Variants in TNKS observed in about 807,000 individuals in gnomAD.
TNKS encodes poly [ADP-ribose] polymerase tankyrase-1.
TNKS carries 72 observed loss-of-function variants against 135.8 expected under a neutral mutation model. That is an observed-to-expected ratio of 0.53 (90% CI 0.44 to 0.64). The LOEUF (loss-of-function observed/expected upper bound fraction) is 0.64. Ranked by LOEUF, TNKS falls within the 30% of genes least tolerant of loss-of-function variation. The pLI, the probability that TNKS is intolerant of heterozygous loss-of-function variation, is 0.00. For synonymous variants in TNKS, 849 were observed against 649.3 expected, an observed-to-expected ratio of 1.31 and a Z score of -4.68; for missense variants, 1,769 against 1,674.0, an observed-to-expected ratio of 1.06 and a Z score of -0.99.
Position 9,580,383 on chromosome 8 carries a change from G to A in TNKS, c.898G>A (p.Val300Met), listed in dbSNP as rs146167904. The change falls in exon 2 of 27, where the codon GTG becomes ATG. Residue 300 changes from valine to methionine, a missense_variant and splice_region_variant. Transcript: ENST00000310430. ...TAAAGGGAAGATCGATGTGTGCATT[G>A]GTAAGTATCATTTGATGATATCTAA... The part of the protein sequence containing the change: ...AIKGKIDVCI[V>M]LLQHGADPNI... The A allele has an allele frequency of 6.2e-7, 1 of 1,612,410 alleles. No individual in the cohort carries two copies.
At chr8:9,576,413 C>T (rs1488730763) in intron 1 of TNKS, among the ~76,000 whole-genome samples, 1 of 151,310 alleles carries the variant, frequency 6.6e-6, no homozygotes. Context: ...GGGAAGCAAT[C>T]ATGGTGGGGC....
At chr8:9,646,734 A>G (rs543188524) in intron 3 of TNKS, among the ~76,000 whole-genome samples, 3 of 152,262 alleles carry the variant, frequency 2.0e-5, no homozygotes, top group Admixed American at 6.5e-5. Context: ...TCATGCTTAC[A>G]TAGGTTTTTT....
intron 2 of TNKS, among the ~76,000 whole-genome samples, chr8:9,601,447 GCC>G: frequency 6.6e-6 from 1 of 152,102 alleles, no homozygotes; most frequent in East Asian, 1.9e-4. Context: ...TAGTTCCTTG[GCC>G]AAACTTTTTA....
rs568481266 is a variant in TNKS, at chr8:9,563,876, G to A, written c.673+7264G>A. On this transcript the variant is annotated intron_variant, in intron 1 of 26. Transcript: ENST00000310430. ...TATGTATTTGACCTCAGTTACTTTC[G>A]TTGCTCATTTTTACAGAAATTAATT... 1.1e-3 allele frequency among the ~76,000 whole-genome samples: 174 copies of A among 151,972 alleles called. 1 individual carries two copies. The highest frequency in any genetic ancestry group is 3.4e-3 in the Middle Eastern group (1 of 292).
At chr8:9,596,595 T>C (rs771211167) in intron 2 of TNKS, among the ~76,000 whole-genome samples, 2 of 152,196 alleles carry the variant, frequency 1.3e-5, no homozygotes, top group African/African-American at 2.4e-5. Context: ...CATATTCTAC[T>C]CCCTGATATG....
intron 5 of TNKS, 111 bp downstream of exon 5, chr8:9,680,911 T>C: frequency 1.4e-6 from 1 of 705,020 alleles, no homozygotes; most frequent in Non-Finnish European, 2.5e-6. Flanking sequence ...TTAACTGGCA[T>C]CTTTTCACTG....
intron 18 of TNKS, among the ~76,000 whole-genome samples, chr8:9,748,955 G>C (rs6995495): frequency 0.69 from 104,749 of 152,040 alleles, 36,671 homozygotes; most frequent in Admixed American, 0.79. Context: ...CTAGAAGGCA[G>C]GGGCCTCTCT....
At chr8:9,704,949 C>T (rs879712106) in intron 6 of TNKS, among the ~76,000 whole-genome samples, 192 bp downstream of exon 6, 3 of 152,052 alleles carry the variant, frequency 2.0e-5, no homozygotes, top group African/African-American at 7.2e-5. Context: ...TAATAATTTC[C>T]CAAATCAATT....
chr8:9,741,450 C>A (rs1805955893), intron 17 of TNKS, among the ~76,000 whole-genome samples: 1 of 152,046 alleles, frequency 6.6e-6, no homozygotes, highest in Non-Finnish European at 1.5e-5. Flanking sequence ...TAGCCTTCAC[C>A]TTTCACAGTC....
intron 3 of TNKS, among the ~76,000 whole-genome samples, chr8:9,622,739 C>A (rs994488763): frequency 1.3e-5 from 2 of 152,136 alleles, no homozygotes; most frequent in Admixed American, 6.5e-5. Flanking sequence ...TTTTGAAAGA[C>A]AAGTTACCTA....
intron 25 of TNKS, among the ~76,000 whole-genome samples, chr8:9,769,044 A>C (rs1291996668): frequency 1.3e-5 from 2 of 152,224 alleles, no homozygotes; most frequent in Non-Finnish European, 2.9e-5. Flanking sequence ...AATTTGTAAA[A>C]ATGTTTATTG....
At chr8:9,707,480 G>T (rs1404886114) in intron 8 of TNKS, among the ~76,000 whole-genome samples, 1 of 152,100 alleles carries the variant, frequency 6.6e-6, no homozygotes, top group African/African-American at 2.4e-5. Flanking sequence ...CATTTCCCGA[G>T]CCCTGCAAGG....
chr8:9,629,478 T>C (rs150209680), intron 3 of TNKS, among the ~76,000 whole-genome samples: 1 of 152,200 alleles, frequency 6.6e-6, no homozygotes, highest in African/African-American at 2.4e-5. Flanking sequence ...CTGGCCCCTA[T>C]CTACCTGTCT....
chr8:9,670,006 C>T (rs1396780214), intron 3 of TNKS: 1 of 152,180 alleles, frequency 6.6e-6, no homozygotes, highest in Non-Finnish European at 1.5e-5. Context: ...TGCAGTTGAA[C>T]ATTCACTTAC....
At chr8:9,724,031 G>T (rs1280098380) in intron 12 of TNKS, among the ~76,000 whole-genome samples, 1 of 152,142 alleles carries the variant, frequency 6.6e-6, no homozygotes, top group African/African-American at 2.4e-5. Context: ...GTCTATAAAA[G>T]ATGTTTTTAA....
chr8:9,640,309 A>G (rs1800677489), intron 3 of TNKS, among the ~76,000 whole-genome samples: 1 of 152,026 alleles, frequency 6.6e-6, no homozygotes, highest in African/African-American at 2.4e-5. Flanking sequence ...CAAGACAGAA[A>G]AATGGCATTA....
intron 3 of TNKS, among the ~76,000 whole-genome samples, chr8:9,636,971 G>C (rs1360268975): frequency 2.0e-5 from 3 of 152,148 alleles, no homozygotes; most frequent in Non-Finnish European, 4.4e-5. Context: ...TTAGCCTCTT[G>C]ACAGTTTTAA....
chr8:9,662,882 G>C (rs1053522452), intron 3 of TNKS, among the ~76,000 whole-genome samples: 2 of 152,212 alleles, frequency 1.3e-5, no homozygotes, highest in African/African-American at 2.4e-5. Flanking sequence ...AGCCCCCATA[G>C]ATGTCAACAT....
intron 2 of TNKS, among the ~76,000 whole-genome samples, chr8:9,609,465 C>G (rs893578740): frequency 6.6e-6 from 1 of 152,160 alleles, no homozygotes; most frequent in African/African-American, 2.4e-5. Flanking sequence ...GGAACAGTCT[C>G]GTAATAGTCC....
Sources: gnomAD v4.1 joint callset for allele counts (sites outside exome capture counted in the v4.1 genomes callset) on GRCh38, gnomAD v4.1.1 for gene constraint, MANE v1.5 for transcripts, NCBI Gene and HGNC (gene_info 2026-07-23, HGNC 2026-07-21) for gene names.